MARCHF1: variants seen among roughly 807,000 people sequenced by gnomAD.
The protein encoded by MARCHF1 is E3 ubiquitin-protein ligase MARCHF1.
MARCHF1 carries 40 observed loss-of-function variants against 54.2 expected under a neutral mutation model. The observed-to-expected ratio is 0.74, with a 90% CI of 0.57 to 0.96. MARCHF1 has a LOEUF of 0.96. MARCHF1 is among the 40% of genes least tolerant of loss of function. MARCHF1 has a pLI of 0.00. For synonymous variants in MARCHF1, 236 were observed against 236.3 expected (o/e 1.00, Z 0.01); for missense variants, 586 against 656.5 (o/e 0.89, Z 1.17).
At chr4:164,247,530 T>C (rs549550022) in intron 1 of MARCHF1, among the ~76,000 whole-genome samples, 45 of 149,012 alleles carry the variant, frequency 3.0e-4, no homozygotes, top group Non-Finnish European at 1.3e-4. Context: ...GTGGGTGCAG[T>C]GCACCAGCAT....
chr4:164,040,935 GAGCT>G (rs1754115458), intron 2 of MARCHF1, among the ~76,000 whole-genome samples: 1 of 152,014 alleles, frequency 6.6e-6, no homozygotes, highest in Admixed American at 6.6e-5. Context: ...AAAAGCTACT[GAGCT>G]AAAACTGTGT....
intron 5 of MARCHF1, among the ~76,000 whole-genome samples, chr4:163,681,294 T>G (rs17044025): frequency 6.6e-6 from 1 of 152,104 alleles, no homozygotes; most frequent in African/African-American, 2.4e-5. Flanking sequence ...TAACGTGTGG[T>G]TGGGAGAATG....
At chr4:163,794,773 T>C (rs1747865754) in intron 4 of MARCHF1, among the ~76,000 whole-genome samples, 1 of 152,226 alleles carries the variant, frequency 6.6e-6, no homozygotes, top group African/African-American at 2.4e-5. Context: ...TCTACAGAGA[T>C]CTGAGCCTCA....
At chr4:163,987,684 C>G (rs1560849880) in intron 3 of MARCHF1, among the ~76,000 whole-genome samples, 1 of 152,192 alleles carries the variant, frequency 6.6e-6, no homozygotes, top group Non-Finnish European at 1.5e-5. Flanking sequence ...ATTACAGTTT[C>G]CGGCATTCTA....
chr4:164,107,638 T>C (rs895448347), intron 2 of MARCHF1, among the ~76,000 whole-genome samples: 3 of 152,084 alleles, frequency 2.0e-5, no homozygotes, highest in Non-Finnish European at 2.9e-5. Flanking sequence ...TCTGGGATTA[T>C]AGGCATGAGC....
chr4:163,780,476 T>C (rs1257940690), intron 4 of MARCHF1, among the ~76,000 whole-genome samples: 2 of 152,210 alleles, frequency 1.3e-5, no homozygotes, highest in Non-Finnish European at 2.9e-5. Context: ...ATATTTTGGA[T>C]ATTAGATAGC....
chr4:163,765,505 T>C (rs1488605318), intron 4 of MARCHF1, among the ~76,000 whole-genome samples: 1 of 152,130 alleles, frequency 6.6e-6, no homozygotes, highest in Non-Finnish European at 1.5e-5. Context: ...CTATATTACA[T>C]AAATTAAGGC....
chr4:164,013,122 T>G (rs1204139613), intron 2 of MARCHF1, among the ~76,000 whole-genome samples: 2 of 152,116 alleles, frequency 1.3e-5, no homozygotes, highest in Non-Finnish European at 2.9e-5. Flanking sequence ...ATTGTTGTAT[T>G]GAGGAAGTTC....
At chr4:164,333,930 T>G (rs1411565512) in intron 1 of MARCHF1, among the ~76,000 whole-genome samples, 4 of 152,202 alleles carry the variant, frequency 2.6e-5, no homozygotes, top group African/African-American at 9.7e-5. Context: ...GTGGTCTGAA[T>G]AGAAGATCAA....
chr4:163,552,966 G>C (rs2110946316), intron 8 of MARCHF1, among the ~76,000 whole-genome samples: 1 of 150,126 alleles, frequency 6.7e-6, no homozygotes, highest in African/African-American at 2.4e-5. Flanking sequence ...CCGGGAGGCG[G>C]AGCTTGCAGT....
intron 1 of MARCHF1, among the ~76,000 whole-genome samples, chr4:164,116,494 T>C (rs972702017): frequency 3.3e-5 from 5 of 152,134 alleles, no homozygotes; most frequent in Admixed American, 6.6e-5. Flanking sequence ...AGAAAAAGCA[T>C]TGTTAGCTCA....
At chr4:164,168,981 A>T (rs1730454732) in intron 1 of MARCHF1, among the ~76,000 whole-genome samples, 1 of 152,084 alleles carries the variant, frequency 6.6e-6, no homozygotes, top group African/African-American at 2.4e-5. Context: ...GATAAAAAGT[A>T]GCAGCTATGT....
chr4:164,110,830 A>G (rs1201458932), intron 2 of MARCHF1, among the ~76,000 whole-genome samples: 1 of 151,806 alleles, frequency 6.6e-6, no homozygotes, highest in African/African-American at 2.4e-5. Flanking sequence ...TCTCAATATC[A>G]GAAAGCAGTT....
intron 5 of MARCHF1, among the ~76,000 whole-genome samples, chr4:163,698,582 G>A (rs1744706598): frequency 6.6e-6 from 1 of 151,974 alleles, no homozygotes; most frequent in Admixed American, 6.6e-5. Context: ...ATAATTAATT[G>A]TCTCCCACAC....
chr4:164,201,863 T>A (rs75833311), intron 1 of MARCHF1, among the ~76,000 whole-genome samples: 2,000 of 152,292 alleles, frequency 0.013, 45 homozygotes, highest in East Asian at 0.11. Context: ...AACTTTTTTA[T>A]TATGACATAT....
intron 3 of MARCHF1, among the ~76,000 whole-genome samples, chr4:163,939,054 T>C (rs1751857487): frequency 6.6e-6 from 1 of 152,174 alleles, no homozygotes; most frequent in African/African-American, 2.4e-5. Flanking sequence ...CCTTTGTTAC[T>C]AACCCTCTGG....
intron 1 of MARCHF1, among the ~76,000 whole-genome samples, chr4:164,238,162 G>A (rs1732622098): frequency 6.6e-6 from 1 of 151,960 alleles, no homozygotes; most frequent in South Asian, 2.1e-4. Context: ...TTAGACTAGA[G>A]CTTTCATAAC....
chr4:164,329,593 G>T (rs535815021), intron 1 of MARCHF1, among the ~76,000 whole-genome samples: 1 of 152,150 alleles, frequency 6.6e-6, no homozygotes. Flanking sequence ...AAGAAAAGAC[G>T]TTTAATTGGC....
chr4:163,960,826 A>C (rs536280795), intron 3 of MARCHF1, among the ~76,000 whole-genome samples: 31 of 151,912 alleles, frequency 2.0e-4, no homozygotes, highest in African/African-American at 5.5e-4. Flanking sequence ...AAAAAAAAAA[A>C]AACAGACTGG....
Sources: gnomAD v4.1 joint callset for allele counts (sites outside exome capture counted in the v4.1 genomes callset) on GRCh38, gnomAD v4.1.1 for gene constraint, MANE v1.5 for transcripts, NCBI Gene and HGNC (gene_info 2026-07-23, HGNC 2026-07-21) for gene names.